Variants in CSN1S1 observed in about 807,000 individuals in gnomAD.
CSN1S1 encodes alpha-S1-casein.
In CSN1S1, 63 loss-of-function variants were observed where a neutral mutation model predicts 49.1. That is an observed-to-expected ratio of 1.28 (90% CI 1.05 to 1.58). The LOEUF is 1.58. Among genes scored for constraint, CSN1S1 ranks in the 40% most tolerant of loss-of-function variants. CSN1S1 has a pLI of 0.00. For synonymous variants in CSN1S1, 78 were observed against 67.1 expected, an observed-to-expected ratio of 1.16 and a Z score of -0.79; for missense variants, 260 against 224.7, an observed-to-expected ratio of 1.16 and a Z score of -1.01.
chr4:69,935,315 G>T (rs1722737638), intron 4 of CSN1S1, among the ~76,000 whole-genome samples: 1 of 151,450 alleles, frequency 6.6e-6, no homozygotes, highest in South Asian at 2.1e-4. Context: ...GAGGCAGGAG[G>T]ATTGCTTGAG....
rs759374824 is a variant in CSN1S1, at chr4:69,941,170, T to A, written c.342+110T>A. 33 of 535,794 alleles carry A rather than the reference T, an allele frequency of 6.2e-5. No individual in the cohort carries two copies. In the East Asian group the frequency reaches 1.1e-3, roughly 18 times the overall value. 33.2% of individuals were successfully genotyped at this position (535,794 alleles called of 1,614,324 possible). ...ATATATTTTTATTTTTCTTAAGAAA[T>A]TATTTATTCTAGCCTTGACCAATAA... On this transcript the variant is annotated intron_variant, in intron 12 of 15. Coordinates refer to ENST00000246891, the MANE Select transcript of CSN1S1 (RefSeq NM_001890.2).
intron 2 of CSN1S1, among the ~76,000 whole-genome samples, chr4:69,932,936 T>C (rs976443800): frequency 3.3e-5 from 5 of 152,040 alleles, no homozygotes; most frequent in African/African-American, 1.2e-4. Context: ...GGCCTGTTCC[T>C]TGAGTCTACT....
chr4:69,936,020 G>A, intron 5 of CSN1S1, 71 bp downstream of exon 5: 1 of 1,155,272 alleles, frequency 8.7e-7, no homozygotes, highest in Non-Finnish European at 1.2e-6. Context: ...AGGAGACTCA[G>A]AACAGTGCCT....
chr4:69,945,574 A>C (rs1314813380), intron 15 of CSN1S1, among the ~76,000 whole-genome samples: 1 of 151,946 alleles, frequency 6.6e-6, no homozygotes, highest in Non-Finnish European at 1.5e-5. Flanking sequence ...TTTTTTCCTG[A>C]TTTAGCAAAT....
intron 4 of CSN1S1, 114 bp downstream of exon 4, chr4:69,934,824 A>G (rs1480494710): frequency 5.6e-6 from 5 of 890,180 alleles, no homozygotes; most frequent in African/African-American, 1.7e-5. Flanking sequence ...CTTCAAATGC[A>G]TCCAACAACT....
In CSN1S1 at chr4:69,936,575, A is replaced by G. The variant is rs747541903; in HGVS notation, c.163A>G (p.Ile55Val). The change falls in exon 7 of 16, where the codon ATT becomes GTT. Residue 55 changes from isoleucine to valine, a missense_variant. Coordinates refer to ENST00000246891, the MANE Select transcript of CSN1S1 (RefSeq NM_001890.2). ...YMNGMNRQRN[I>V]LREKQTDEIK... ...ACTTTATTGATTTTAGCAGAGAAAC[A>G]TTCTGAGAGAAAAACAGACTGATGA... 6.2e-7 allele frequency: 1 copy of G among 1,606,456 alleles called. No homozygotes were observed. The highest frequency in any genetic ancestry group is 1.1e-5 in the South Asian group (1 of 89,834).
Position 69,935,388 on chromosome 4 carries a change from G to GA in CSN1S1, c.106-525dup, listed in dbSNP as rs80160315. Among the ~76,000 whole-genome samples the GA allele has an allele frequency of 3.3e-3, 461 of 139,476 alleles. 3 individuals are homozygous for GA. The South Asian group carries it at 0.035, about 11-fold the overall frequency. The allele number at this position is 139,476 out of a possible 152,430, so 91.5% of individuals were successfully genotyped here. A position where few individuals can be genotyped will look rare whatever the true frequency, so the allele number is the denominator to read the frequency against. On this transcript the variant is annotated intron_variant, in intron 4 of 15. Coordinates refer to ENST00000246891, the MANE Select transcript of CSN1S1 (RefSeq NM_001890.2). ...ACCCCGTCTCTACAAAAAAAATTTT[G>GA]AAAAAAAAAAAAATAGTCGGATGTG...
chr4:69,935,508 C>G (rs1722747710), intron 4 of CSN1S1, among the ~76,000 whole-genome samples: 1 of 152,046 alleles, frequency 6.6e-6, no homozygotes, highest in South Asian at 2.1e-4. Flanking sequence ...CGTGATAGCA[C>G]AAGGGCAACA....
At chr4:69,936,667 AG>A (rs1459964575) in intron 7 of CSN1S1, 60 bp downstream of exon 7, 1 of 1,483,778 alleles carries the variant, frequency 6.7e-7, no homozygotes, top group Non-Finnish European at 9.1e-7. Context: ...GTAGAAAAAA[AG>A]TTTTCCTTTA....
At position 69,934,944 on chromosome 4, in the gene CSN1S1, A is replaced by T. The variant is rs1217121858; in HGVS notation, c.105+234A>T. Among the ~76,000 whole-genome samples the T allele has an allele frequency of 7.2e-5, 11 of 152,116 alleles. No homozygotes were observed. The South Asian group carries it at 2.3e-3, about 31-fold the overall frequency. Reference sequence around the variant, plus strand: ...AAATTTACTGGCCTGGTGAAGAAGGAACTAATTAAGGTGTAGGTGTTCTTT... The same window carrying T: ...AAATTTACTGGCCTGGTGAAGAAGGTACTAATTAAGGTGTAGGTGTTCTTT... On this transcript the variant is annotated intron_variant, in intron 4 of 15. Coordinates refer to ENST00000246891, the MANE Select transcript of CSN1S1 (RefSeq NM_001890.2).
In CSN1S1 at chr4:69,942,048, A is replaced by C; in HGVS notation, c.345A>C (p.Gln115His). 1 of 1,471,686 alleles carries C rather than the reference A, an allele frequency of 6.8e-7. No homozygotes were observed. The highest frequency in any genetic ancestry group is 9.2e-7 in the Non-Finnish European group (1 of 1,090,118). 91.2% of individuals were successfully genotyped at this position (1,471,686 alleles called of 1,614,324 possible). A position where few individuals can be genotyped will look rare whatever the true frequency, so the allele number is the denominator to read the frequency against. The change falls in exon 13 of 16, where the codon CAA becomes CAC. Residue 115 changes from glutamine (Q) to histidine (H), a missense_variant and splice_region_variant. Transcript: ENST00000246891. Reference sequence around the variant, plus strand: ...ACAGAATGTTTTCTCCTCCCTAGCAAGCTGCCCATGCCCAGGTGAGATTAT... The same window carrying C: ...ACAGAATGTTTTCTCCTCCCTAGCACGCTGCCCATGCCCAGGTGAGATTAT... Reference protein sequence around the residue: ...RLNEYNQLQLQAAHAQEQIRR... With the variant: ...RLNEYNQLQLHAAHAQEQIRR...
Position 69,935,941 on chromosome 4 carries a change from T to G in CSN1S1, c.121T>G (p.Ser41Ala). Residue 41 changes from serine (S) to alanine (A), a missense_variant, in exon 5 of 16, where the codon TCA becomes GCA. Ser to Ala is a moderately conservative substitution (Grantham distance 99). Coordinates refer to ENST00000246891, the MANE Select transcript of CSN1S1 (RefSeq NM_001890.2). ...SESSEPIPLE[S>A]REEYMNGMNR... ...TTTTTTGTAGCCTATACCATTAGAA[T>G]CAAGAGAGGTAAGAATGACTCCACA... 2 of 1,537,076 alleles carry G rather than the reference T, an allele frequency of 1.3e-6. No individual in the cohort carries two copies. The highest frequency in any genetic ancestry group is 1.8e-6 in the Non-Finnish European group (2 of 1,134,938).
chr4:69,941,570 C>T (rs548824336), intron 12 of CSN1S1, among the ~76,000 whole-genome samples: 113 of 151,882 alleles, frequency 7.4e-4, no homozygotes, highest in Non-Finnish European at 1.5e-3. Context: ...ACAATAAAAA[C>T]CTTTCAGTAA....
chr4:69,936,945 G>C (rs116111759), intron 7 of CSN1S1, among the ~76,000 whole-genome samples, 176 bp from the exon 8 acceptor site: 533 of 151,992 alleles, frequency 3.5e-3, no homozygotes, highest in African/African-American at 0.012. Context: ...TCTGGCTCAA[G>C]AATATTTACA....
Position 69,946,413 on chromosome 4 carries a change from C to T in CSN1S1, c.*217C>T, listed in dbSNP as rs536780749. 2 of 264,728 alleles carry T rather than the reference C, an allele frequency of 7.6e-6. No individual in the cohort carries two copies. Among genetic ancestry groups the T allele is most frequent in the Non-Finnish European group, 1.5e-5 (2 of 135,954 alleles). The allele number at this position is 264,728 out of a possible 1,614,324, so 16.4% of individuals were successfully genotyped here. On this transcript the variant is annotated 3_prime_UTR_variant, in exon 16 of 16. Transcript: ENST00000246891. ...GTTGTGTCTTGCCATATGGAGGGCA[C>T]CTAATCAGAGGGTATTAAAGTGTTT...
At chr4:69,936,520 G>A (rs1040826420) in intron 6 of CSN1S1, 41 bp downstream of exon 6, 4 of 1,597,180 alleles carry the variant, frequency 2.5e-6, no homozygotes, top group Middle Eastern at 3.3e-4. Context: ...TTAAAAGTTT[G>A]TTTTCATGAA....
intron 14 of CSN1S1, 37 bp downstream of exon 14, chr4:69,942,614 T>A (rs1192302848): frequency 1.3e-6 from 2 of 1,505,430 alleles, no homozygotes; most frequent in Non-Finnish European, 1.8e-6. Context: ...AACGATAATA[T>A]TTTGTTAAGC....
chr4:69,946,424 G>C lies in CSN1S1; in HGVS notation c.*228G>C, dbSNP rs1723169502. 4.1e-6 allele frequency: 1 copy of C among 246,106 alleles called. No individual in the cohort carries two copies. The highest frequency in any genetic ancestry group is 7.9e-6 in the Non-Finnish European group (1 of 126,326). The allele number at this position is 246,106 out of a possible 1,614,324, so 15.2% of individuals were successfully genotyped here. ...CCATATGGAGGGCACCTAATCAGAG[G>C]GTATTAAAGTGTTTACTAAGTTTTC... On this transcript the variant is annotated 3_prime_UTR_variant, in exon 16 of 16. Transcript: ENST00000246891.
intron 14 of CSN1S1, among the ~76,000 whole-genome samples, chr4:69,944,213 A>G (rs1367131409): frequency 2.6e-5 from 4 of 152,046 alleles, no homozygotes; most frequent in Non-Finnish European, 5.9e-5. Flanking sequence ...AGAGAATTAT[A>G]TGCAACTGTT....
Sources: allele counts gnomAD v4.1 joint callset (sites outside exome capture counted in the v4.1 genomes callset), GRCh38; gene constraint gnomAD v4.1.1; transcripts MANE v1.5; gene names NCBI Gene and HGNC (gene_info 2026-07-23, HGNC 2026-07-21).